The following RNF228 variants were observed in gnomAD, a reference collection of about 807,000 sequenced individuals.
RNF228 encodes ring finger protein 228.
chr2:222,319,145 G>A, the RNF228 span: 1 of 271,184 alleles, frequency 3.7e-6, no homozygotes, highest in African/African-American at 2.3e-5. The surrounding 1 kb of genome is among the most constrained non-coding windows in gnomAD (Gnocchi z 7.6). Flanking sequence ...TGAGCCAGCA[G>A]ATGACCCAGG....
the RNF228 span, among the ~76,000 whole-genome samples, chr2:222,316,030 A>G: frequency 0.033 from 4,969 of 152,232 alleles, 268 homozygotes; most frequent in African/African-American, 0.11. Flanking sequence ...AAGCTTTTCC[A>G]AGATGAAGAG....
chr2:222,314,738 A>G, the RNF228 span, among the ~76,000 whole-genome samples: 1 of 152,274 alleles, frequency 6.6e-6, no homozygotes, highest in African/African-American at 2.4e-5. Context: ...TAAAATTAGC[A>G]ATTCTATGAA....
the RNF228 span, among the ~76,000 whole-genome samples, chr2:222,319,840 C>T: frequency 6.6e-6 from 1 of 151,346 alleles, no homozygotes; most frequent in Non-Finnish European, 1.5e-5. The surrounding 1 kb of genome is among the most constrained non-coding windows in gnomAD (Gnocchi z 7.6). Flanking sequence ...TGCAAGCACG[C>T]CAGCAGCTTG....
At chr2:222,316,428 C>T in the RNF228 span, among the ~76,000 whole-genome samples, 3 of 152,206 alleles carry the variant, frequency 2.0e-5, no homozygotes, top group Non-Finnish European at 2.9e-5. Flanking sequence ...GAAATTTACA[C>T]GTGCAATCTA....
At chr2:222,314,743 T>C in the RNF228 span, among the ~76,000 whole-genome samples, 9 of 152,254 alleles carry the variant, frequency 5.9e-5, no homozygotes, top group Admixed American at 2.6e-4. Context: ...TTAGCAATTC[T>C]ATGAATAACG....
At chr2:222,314,585 A>G in the RNF228 span, among the ~76,000 whole-genome samples, 4 of 152,276 alleles carry the variant, frequency 2.6e-5, no homozygotes, top group Admixed American at 2.0e-4. Context: ...TCATCTTTGT[A>G]TAATAGCAGA....
At chr2:222,316,592 C>T in the RNF228 span, among the ~76,000 whole-genome samples, 1 of 152,208 alleles carries the variant, frequency 6.6e-6, no homozygotes, top group Admixed American at 6.5e-5. Flanking sequence ...TAACCTTAGA[C>T]AGACTTCTAG....
the RNF228 span, among the ~76,000 whole-genome samples, chr2:222,315,616 A>T: frequency 2.0e-5 from 3 of 152,108 alleles, no homozygotes; most frequent in Non-Finnish European, 4.4e-5. Context: ...GGGGGCGCTG[A>T]TACTCCCCAC....
At chr2:222,315,516 G>A in the RNF228 span, among the ~76,000 whole-genome samples, 1 of 152,154 alleles carries the variant, frequency 6.6e-6, no homozygotes, top group African/African-American at 2.4e-5. Flanking sequence ...CTAAATAAAA[G>A]CAAGGTCCAT....
chr2:222,317,490 GA>G, the RNF228 span: 2 of 152,100 alleles, frequency 1.3e-5, no homozygotes, highest in Non-Finnish European at 1.5e-5. Flanking sequence ...TTTTAAGCAT[GA>G]AAACTTTGTC....
the RNF228 span, among the ~76,000 whole-genome samples, chr2:222,317,066 T>G: frequency 3.3e-5 from 5 of 152,142 alleles, no homozygotes; most frequent in African/African-American, 1.2e-4. Context: ...TTCCTAGAAA[T>G]AATCCCACTA....
chr2:222,320,128 G>A, the RNF228 span, among the ~76,000 whole-genome samples: 1 of 152,000 alleles, frequency 6.6e-6, no homozygotes, highest in East Asian at 1.9e-4. Context: ...ACCGCCGCCT[G>A]GGCTCCGGGC....
chr2:222,319,528 G>T, the RNF228 span, among the ~76,000 whole-genome samples: 1 of 144,178 alleles, frequency 6.9e-6, no homozygotes, highest in African/African-American at 2.5e-5. This position sits in a 1 kb window ranked among gnomAD's most constrained non-coding sequence, Gnocchi z 7.6. Flanking sequence ...GCCGGGGTGG[G>T]CGGCGGGGCA....
the RNF228 span, chr2:222,318,743 T>G: frequency 6.9e-6 from 1 of 145,630 alleles, no homozygotes; most frequent in African/African-American, 2.5e-5. Context: ...AACGCGGAGG[T>G]CAATTTTGCA....
chr2:222,318,595 ACT>A, the RNF228 span: 2 of 152,180 alleles, frequency 1.3e-5, no homozygotes, highest in Non-Finnish European at 2.9e-5. Flanking sequence ...CTTTAAAGAA[ACT>A]CTCAAGTCCT....
chr2:222,318,971 T>A, the RNF228 span: 10 of 153,078 alleles, frequency 6.5e-5, no homozygotes, highest in Non-Finnish European at 1.3e-4. Context: ...AGAGGCCCCC[T>A]CTTCTCCCGC....
the RNF228 span, chr2:222,318,687 TAGGGAGGGATGGCCGCAC>T: frequency 1.3e-5 from 2 of 151,816 alleles, no homozygotes; most frequent in Admixed American, 6.6e-5. Flanking sequence ...CTTTGTGCTC[TAGGGAGGGATGGCCGCAC>T]ATTCTGACGA....
At chr2:222,315,801 T>G in the RNF228 span, among the ~76,000 whole-genome samples, 1 of 152,210 alleles carries the variant, frequency 6.6e-6, no homozygotes, top group African/African-American at 2.4e-5. Context: ...CATATTGTAT[T>G]CAGAGACTGA....
At chr2:222,319,193 C>G in the RNF228 span, 2 of 317,866 alleles carry the variant, frequency 6.3e-6, no homozygotes, top group African/African-American at 4.4e-5. This position sits in a 1 kb window ranked among gnomAD's most constrained non-coding sequence, Gnocchi z 7.6. Flanking sequence ...TGCTGGCCAC[C>G]GACAGGCAGA....
Sources: allele counts gnomAD v4.1 joint callset (sites outside exome capture counted in the v4.1 genomes callset), GRCh38; gene constraint gnomAD v4.1.1; non-coding constraint Gnocchi (gnomAD v3.1); transcripts MANE v1.5; gene names NCBI Gene and HGNC (gene_info 2026-07-23, HGNC 2026-07-21).